HMBOX1: variants seen among roughly 807,000 people sequenced by gnomAD.
The protein encoded by HMBOX1 is homeobox containing 1, also known as homeobox-containing protein 1.
In HMBOX1, 14 loss-of-function variants were observed where a neutral mutation model predicts 54.5. The observed-to-expected ratio is 0.26, with a 90% CI of 0.17 to 0.40. The LOEUF (loss-of-function observed/expected upper bound fraction) is 0.40, where lower values mean the gene tolerates loss of function less well. Ranked by LOEUF, HMBOX1 falls within the 10% of genes least tolerant of loss-of-function variation. The pLI, the probability that HMBOX1 is intolerant of heterozygous loss-of-function variation, is 1.00. For missense variants in HMBOX1, 332 were observed against 514.4 expected, an observed-to-expected ratio of 0.65 and a Z score of 3.43; for synonymous variants, 160 against 181.0, an observed-to-expected ratio of 0.88 and a Z score of 0.93.
At chr8:29,032,856 A>AG (rs1319025159) in intron 6 of HMBOX1, among the ~76,000 whole-genome samples, 1 of 152,188 alleles carries the variant, frequency 6.6e-6, no homozygotes, top group Non-Finnish European at 1.5e-5. Context: ...TCAAGGTGGG[A>AG]GATACGGTAG....
chr8:29,025,612 G>C (rs2133095541), intron 6 of HMBOX1, among the ~76,000 whole-genome samples: 1 of 152,262 alleles, frequency 6.6e-6, no homozygotes, highest in Middle Eastern at 3.4e-3. Context: ...TGACTGTGAA[G>C]TCACCTCAAG....
chr8:29,040,200 C>A (rs776320037), intron 6 of HMBOX1, among the ~76,000 whole-genome samples: 3 of 152,068 alleles, frequency 2.0e-5, no homozygotes, highest in African/African-American at 7.2e-5. Context: ...TATGTTTTGG[C>A]TCCTTTTATT....
At chr8:28,958,809 G>GT (rs1355166038) in intron 1 of HMBOX1, among the ~76,000 whole-genome samples, 2 of 151,878 alleles carry the variant, frequency 1.3e-5, no homozygotes, top group Non-Finnish European at 2.9e-5. Context: ...CTTTTCCATA[G>GT]TTTTTTGTTT....
chr8:28,896,694 T>C, intron 1 of HMBOX1, among the ~76,000 whole-genome samples: 1 of 152,172 alleles, frequency 6.6e-6, no homozygotes, highest in East Asian at 1.9e-4. Flanking sequence ...GCCTACAATG[T>C]TTAATACAGT....
At chr8:28,905,006 G>C in intron 1 of HMBOX1, among the ~76,000 whole-genome samples, 1 of 152,180 alleles carries the variant, frequency 6.6e-6, no homozygotes, top group Middle Eastern at 3.2e-3. Flanking sequence ...AGTTTAGATA[G>C]TATAATCAAA....
chr8:29,018,833 C>G lies in HMBOX1; in HGVS notation c.771C>G (p.Val257=). 1 of 1,614,158 alleles carries G rather than the reference C, an allele frequency of 6.2e-7. No individual in the cohort carries two copies. The highest frequency in any genetic ancestry group is 8.5e-7 in the Non-Finnish European group (1 of 1,179,970). ...AATGGAGACAAACGCCTCCCCCAGT[C>G]TCTGCCACATCTGGTACTTTCCGAC... ...DPEWRQTPPP[V]SATSGTFRLR... is the part of the protein sequence containing the mutation. Residue 257 remains valine, a synonymous_variant, in exon 6 of 10, where the codon GTC becomes GTG. Coordinates refer to ENST00000287701, the MANE Select transcript of HMBOX1 (RefSeq NM_001135726.3).
At chr8:28,890,970 G>C (rs1001420439) in intron 1 of HMBOX1, 5 of 152,692 alleles carry the variant, frequency 3.3e-5, no homozygotes, top group African/African-American at 1.2e-4. Flanking sequence ...TTGAATCCTG[G>C]AGGTGGGGTC....
At chr8:29,037,123 T>C (rs1804017708) in intron 6 of HMBOX1, among the ~76,000 whole-genome samples, 1 of 152,228 alleles carries the variant, frequency 6.6e-6, no homozygotes, top group African/African-American at 2.4e-5. Flanking sequence ...CAGAAACTCA[T>C]GTATATTTTA....
Position 29,022,182 on chromosome 8 carries a change from T to A in HMBOX1, c.851+3269T>A, listed in dbSNP as rs78898708. ...GTAAATCCCAACCTTTTGGGAGGGC[T>A]GAGGTGAAAGAACCACTTGAGGCCA... On this transcript the variant is annotated intron_variant, in intron 6 of 9. Transcript: ENST00000287701. Among the ~76,000 whole-genome samples, 1,243 of 152,252 alleles carry A rather than the reference T, an allele frequency of 8.2e-3. 16 individuals carry two copies. Among genetic ancestry groups the A allele is most frequent in the African/African-American group, 0.029 (1,203 of 41,532 alleles).
chr8:29,042,810 A>G (rs1349974084), intron 6 of HMBOX1: 2 of 413,906 alleles, frequency 4.8e-6, no homozygotes, highest in African/African-American at 2.1e-5. Flanking sequence ...CTAAGAAATG[A>G]GAGGTGAAGC....
chr8:29,033,646 C>T lies in HMBOX1; in HGVS notation c.852-11715C>T, dbSNP rs146036592. 3.3e-3 allele frequency among the ~76,000 whole-genome samples: 500 copies of T among 152,244 alleles called. 3 individuals are homozygous for T. The highest frequency in any genetic ancestry group is 0.011 in the African/African-American group (474 of 41,550). On this transcript the variant is annotated intron_variant, in intron 6 of 9. Coordinates refer to ENST00000287701, the MANE Select transcript of HMBOX1 (RefSeq NM_001135726.3). The stretch of plus-strand genomic sequence containing the variant: ...AGGCAGATTAAAATTTTTCTCTATC[C>T]TCATAGAGATGCTTTGCTAGCAGTT...
chr8:28,984,961 A>G (rs1222248973), intron 4 of HMBOX1, among the ~76,000 whole-genome samples: 1 of 152,174 alleles, frequency 6.6e-6, no homozygotes, highest in Non-Finnish European at 1.5e-5. Context: ...ATTTACCATA[A>G]TTTTGTTTTC....
Position 28,973,803 on chromosome 8 carries a change from G to GTTTTTT in HMBOX1, c.500+3310_500+3315dup, listed in dbSNP as rs71222583. 2.1e-4 allele frequency among the ~76,000 whole-genome samples: 15 copies of GTTTTTT among 72,642 alleles called. 1 individual carries two copies. Among genetic ancestry groups the GTTTTTT allele is most frequent in the Admixed American group, 5.3e-4 (3 of 5,644 alleles). 47.7% of individuals were successfully genotyped at this position (72,642 alleles called of 152,430 possible). A position where few individuals can be genotyped will look rare whatever the true frequency, so the allele number is the denominator to read the frequency against. On this transcript the variant is annotated intron_variant, in intron 3 of 9. Transcript: ENST00000287701. ...TAATAATTTCGAGATACATAATGGAGTTTTTTTTTTTTTTTTTTTTTTTTT... is the reference window on the plus strand; with the variant it reads ...TAATAATTTCGAGATACATAATGGAGTTTTTTTTTTTTTTTTTTTTTTTTTTTTTTT...
At chr8:29,003,024 G>A (rs1278762430) in intron 4 of HMBOX1, among the ~76,000 whole-genome samples, 3 of 151,830 alleles carry the variant, frequency 2.0e-5, no homozygotes, top group African/African-American at 7.3e-5. Flanking sequence ...CAGTAATGGT[G>A]AGAATGTAGG....
intron 6 of HMBOX1, among the ~76,000 whole-genome samples, chr8:29,027,567 A>G (rs1181377630): frequency 6.6e-6 from 1 of 152,194 alleles, no homozygotes; most frequent in Non-Finnish European, 1.5e-5. Context: ...TCTAGTCTCA[A>G]GGGAGGAAGG....
intron 1 of HMBOX1, among the ~76,000 whole-genome samples, chr8:28,955,602 T>G (rs1041136706): frequency 1.1e-4 from 16 of 152,340 alleles, no homozygotes; most frequent in African/African-American, 3.8e-4. Context: ...GTTAATTGAT[T>G]AAAGTATATT....
chr8:28,951,979 C>G (rs1823498413), intron 1 of HMBOX1, among the ~76,000 whole-genome samples: 1 of 152,018 alleles, frequency 6.6e-6, no homozygotes, highest in Admixed American at 6.5e-5. Context: ...TGAGACCAGC[C>G]TGGGCAACAT....
Position 28,970,748 on chromosome 8 carries a change from T to C in HMBOX1, c.500+229T>C. 1 of 433,190 alleles carries C rather than the reference T, an allele frequency of 2.3e-6. No individual in the cohort carries two copies. The highest frequency in any genetic ancestry group is 4.1e-6 in the Non-Finnish European group (1 of 245,404). The allele number at this position is 433,190 out of a possible 1,614,324, so 26.8% of individuals were successfully genotyped here. Reference sequence around the variant, plus strand: ...ACTTCAGCCCTTTCTCTTTGCTGCTTGACAAGCCTTTTCCATTCTGTTTAT... The same window carrying C: ...ACTTCAGCCCTTTCTCTTTGCTGCTCGACAAGCCTTTTCCATTCTGTTTAT... On this transcript the variant is annotated intron_variant, in intron 3 of 9. Transcript: ENST00000287701. The surrounding 1 kb of genome is among the most constrained non-coding windows in gnomAD (Gnocchi z 4.3).
At chr8:28,895,254 C>G (rs746780757) in intron 1 of HMBOX1, among the ~76,000 whole-genome samples, 1 of 152,158 alleles carries the variant, frequency 6.6e-6, no homozygotes, top group African/African-American at 2.4e-5. Flanking sequence ...TATTAAGTAG[C>G]GTGGAGTTGC....
Sources: gnomAD v4.1 joint callset for allele counts (sites outside exome capture counted in the v4.1 genomes callset) on GRCh38, gnomAD v4.1.1 for gene constraint, Gnocchi (gnomAD v3.1) non-coding constraint, MANE v1.5 for transcripts, NCBI Gene and HGNC (gene_info 2026-07-23, HGNC 2026-07-21) for gene names.